The following AGMO variants were observed in gnomAD, a reference collection of about 807,000 sequenced individuals.
The protein encoded by AGMO is alkylglycerol monooxygenase, also known as glyceryl-ether monooxygenase.
Under a neutral mutation model 60.2 loss-of-function variants are expected in AGMO, and 75 were observed. That is an observed-to-expected ratio of 1.25 (90% CI 1.03 to 1.51). The LOEUF (loss-of-function observed/expected upper bound fraction) is 1.51, where lower values mean the gene tolerates loss of function less well. Ranked by LOEUF, AGMO falls within the 40% of genes most tolerant of loss-of-function variation. AGMO has a pLI of 0.00. For synonymous variants in AGMO, 261 were observed against 177.1 expected (o/e 1.47, Z -3.76); for missense variants, 763 against 525.5 (o/e 1.45, Z -4.42).
In AGMO at chr7:15,228,927, C is replaced by T. The variant is rs60702747; in HGVS notation, c.1264-27568G>A. 2.2e-3 allele frequency among the ~76,000 whole-genome samples: 335 copies of T among 152,116 alleles called. 1 individual carries two copies. The highest frequency in any genetic ancestry group is 7.7e-3 in the African/African-American group (318 of 41,518). On this transcript the variant is annotated intron_variant, in intron 12 of 12. Transcript: ENST00000342526. ...TCAAAATTGCATAAATTACTGAGTT[C>T]GACTGCCAGGAAAAGGGGTTAAATT...
the AGMO span, among the ~76,000 whole-genome samples, chr7:15,181,574 T>A: frequency 2.0e-5 from 3 of 152,318 alleles, no homozygotes; most frequent in African/African-American, 7.2e-5. Context: ...TTGCTCTTAA[T>A]GCAATAGGTT....
chr7:15,430,622 G>GT (rs747900856), intron 4 of AGMO, among the ~76,000 whole-genome samples: 1,671 of 107,340 alleles, frequency 0.016, 15 homozygotes, highest in Middle Eastern at 0.061. Flanking sequence ...AAAACAACTG[G>GT]TTTTTTTTAA....
At chr7:15,548,697 G>A (rs1363396243) in intron 2 of AGMO, among the ~76,000 whole-genome samples, 4 of 152,168 alleles carry the variant, frequency 2.6e-5, no homozygotes, top group Non-Finnish European at 4.4e-5. Flanking sequence ...TGATTGGTGT[G>A]CCTGAAGGTG....
intron 3 of AGMO, among the ~76,000 whole-genome samples, chr7:15,461,818 T>C (rs1782150988): frequency 6.6e-6 from 1 of 152,094 alleles, no homozygotes; most frequent in Non-Finnish European, 1.5e-5. Context: ...ATAGTGCAAA[T>C]TCCCAGGGCT....
intron 5 of AGMO, among the ~76,000 whole-genome samples, chr7:15,413,296 G>A (rs758464303): frequency 7.2e-5 from 11 of 152,128 alleles, no homozygotes; most frequent in Non-Finnish European, 1.3e-4. Flanking sequence ...CTGGATACAA[G>A]AGAAAGTAAA....
Position 15,390,757 on chromosome 7 carries a change from GA to G in AGMO, c.743-8del. The G allele has an allele frequency of 6.2e-7, 1 of 1,604,794 alleles. No homozygotes were observed. Among genetic ancestry groups the G allele is most frequent in the Non-Finnish European group, 8.5e-7 (1 of 1,172,580 alleles). Reference sequence around the variant, plus strand: ...TTTTCTGCTTCAAATGTCCCTGGAAGATAAATATAAAGATATGAGATTTGGC... The same window carrying G: ...TTTTCTGCTTCAAATGTCCCTGGAAGTAAATATAAAGATATGAGATTTGGC... On this transcript the variant is annotated splice_polypyrimidine_tract_variant and splice_region_variant and intron_variant, in intron 7 of 12. Coordinates refer to ENST00000342526, the MANE Select transcript of AGMO (RefSeq NM_001004320.2).
At chr7:15,399,289 G>T (rs1014915443) in intron 5 of AGMO, among the ~76,000 whole-genome samples, 10 of 149,020 alleles carry the variant, frequency 6.7e-5, no homozygotes, top group African/African-American at 2.6e-4. Context: ...ATTTTTCTGG[G>T]GAGAAATTCT....
chr7:15,341,959 T>C (rs1282950737), intron 12 of AGMO, among the ~76,000 whole-genome samples: 1 of 151,794 alleles, frequency 6.6e-6, no homozygotes, highest in Non-Finnish European at 1.5e-5. Context: ...GTCCCTCCCA[T>C]GGCACGTAGG....
intron 12 of AGMO, among the ~76,000 whole-genome samples, chr7:15,289,941 A>ACCTTTTTTTTT (rs1563071831): frequency 7.8e-6 from 1 of 128,208 alleles, no homozygotes. Flanking sequence ...TATTCCAGAA[A>ACCTTTTTTTTT]TCTTTTTTTT....
chr7:15,367,058 T>C (rs1583464387), intron 10 of AGMO, among the ~76,000 whole-genome samples: 1 of 152,030 alleles, frequency 6.6e-6, no homozygotes, highest in Non-Finnish European at 1.5e-5. Context: ...TTACATTCTG[T>C]ATAAAAACTA....
chr7:15,253,828 A>G (rs949292878), intron 12 of AGMO, among the ~76,000 whole-genome samples: 1 of 152,168 alleles, frequency 6.6e-6, no homozygotes, highest in South Asian at 2.1e-4. Flanking sequence ...GTAGTCATTG[A>G]CAAGCCTCTT....
At position 15,445,153 on chromosome 7, in the gene AGMO, T is replaced by A. The variant is rs535734993; in HGVS notation, c.410-14045A>T. Among the ~76,000 whole-genome samples, 3 of 152,316 alleles carry A rather than the reference T, an allele frequency of 2.0e-5. No individual in the cohort carries two copies. The East Asian group carries it at 5.8e-4, about 29-fold the overall frequency. ...GCGAACATGTCTAAAACTTGTTTCT[T>A]ACTAACAAACAATTGTATATTTAAG... On this transcript the variant is annotated intron_variant, in intron 3 of 12. Coordinates refer to ENST00000342526, the MANE Select transcript of AGMO (RefSeq NM_001004320.2).
intron 12 of AGMO, among the ~76,000 whole-genome samples, chr7:15,355,673 A>T (rs1162235202): frequency 6.6e-6 from 1 of 152,268 alleles, no homozygotes; most frequent in South Asian, 2.1e-4. Context: ...TCAGCACTAT[A>T]TGGAAAAAAT....
chr7:15,407,112 A>C lies in AGMO; in HGVS notation c.609+11446T>G, dbSNP rs140537384. 3.1e-3 allele frequency among the ~76,000 whole-genome samples: 461 copies of C among 146,528 alleles called. 3 individuals are homozygous for C. The highest frequency in any genetic ancestry group is 4.9e-3 in the Admixed American group (71 of 14,412). On this transcript the variant is annotated intron_variant, in intron 5 of 12. Transcript: ENST00000342526. ...CACATATATACATATATGTGTGCAT[A>C]TGTACACATATATACCCACGTATAC...
chr7:15,496,414 G>A (rs1783233932), intron 3 of AGMO, among the ~76,000 whole-genome samples: 2 of 152,092 alleles, frequency 1.3e-5, no homozygotes, highest in Non-Finnish European at 2.9e-5. Flanking sequence ...GAAAAGGGCA[G>A]GGATGCTTAA....
In AGMO at chr7:15,418,582, A is replaced by G. The variant is rs755376760; in HGVS notation, c.585T>C (p.Leu195=). 1.3e-6 allele frequency: 2 copies of G among 1,590,684 alleles called. No homozygotes were observed. The highest frequency in any genetic ancestry group is 1.7e-6 in the Non-Finnish European group (2 of 1,170,912). The part of the protein sequence containing the change: ...VYAVHLQFNL[L]YQFWIHTEVI... ...CCTCTGTATGGATCCAAAATTGGTA[A>G]AGAAGATTGAATTGAAGATGAACAG... Residue 195 remains leucine (L), a synonymous_variant, in exon 5 of 13, where the codon CTT becomes CTC. Transcript: ENST00000342526.
chr7:15,166,626 G>A, the AGMO span, among the ~76,000 whole-genome samples: 1 of 152,174 alleles, frequency 6.6e-6, no homozygotes, highest in East Asian at 1.9e-4. Context: ...TAAGGAAAAG[G>A]GGGAAAAGTA....
intron 3 of AGMO, among the ~76,000 whole-genome samples, chr7:15,498,685 C>T (rs2128524158): frequency 6.6e-6 from 1 of 151,998 alleles, no homozygotes; most frequent in Middle Eastern, 3.4e-3. Context: ...GCTTCCTATT[C>T]CTCTACTTAG....
At chr7:15,265,070 A>G (rs767321251) in intron 12 of AGMO, among the ~76,000 whole-genome samples, 1 of 152,122 alleles carries the variant, frequency 6.6e-6, no homozygotes, top group Non-Finnish European at 1.5e-5. Context: ...AGAAAATGTG[A>G]TATGTATACA....
Sources: allele counts gnomAD v4.1 joint callset (sites outside exome capture counted in the v4.1 genomes callset), GRCh38; gene constraint gnomAD v4.1.1; transcripts MANE v1.5; gene names NCBI Gene and HGNC (gene_info 2026-07-23, HGNC 2026-07-21).